The following CNIH3 variants were observed in gnomAD, a reference collection of about 807,000 sequenced individuals.
The protein encoded by CNIH3 is cornichon family AMPA receptor auxiliary protein 3.
In CNIH3, 14 loss-of-function variants were observed where a neutral mutation model predicts 24.1. The ratio of observed to expected loss-of-function variants is 0.58; its 90% CI spans 0.38 to 0.91. The LOEUF is 0.91. Among genes scored for constraint, CNIH3 ranks in the 40% least tolerant of loss-of-function variants. CNIH3 has a pLI of 0.00. For synonymous variants in CNIH3, 68 were observed against 73.8 expected, an observed-to-expected ratio of 0.92 and a Z score of 0.40; for missense variants, 178 against 196.8, an observed-to-expected ratio of 0.90 and a Z score of 0.57.
At chr1:224,482,996 A>G (rs181631624) in intron 1 of CNIH3, among the ~76,000 whole-genome samples, 13 of 152,278 alleles carry the variant, frequency 8.5e-5, no homozygotes, top group Non-Finnish European at 1.6e-4. Context: ...AGTTCTGCCC[A>G]GTGTTGGCAG....
At chr1:224,449,275 T>A (rs1277379246) in intron 1 of CNIH3, among the ~76,000 whole-genome samples, 1 of 151,992 alleles carries the variant, frequency 6.6e-6, no homozygotes, top group East Asian at 1.9e-4. Flanking sequence ...GAAACTGGGA[T>A]TCTCTTTAAC....
intron 4 of CNIH3, among the ~76,000 whole-genome samples, chr1:224,582,180 C>T (rs1055264669): frequency 1.3e-5 from 2 of 152,076 alleles, no homozygotes; most frequent in African/African-American, 4.8e-5. Flanking sequence ...GCCTGGGGTT[C>T]CCTTCATCCT....
At chr1:224,551,995 GT>G (rs1348408301) in intron 3 of CNIH3, among the ~76,000 whole-genome samples, 1 of 151,246 alleles carries the variant, frequency 6.6e-6, no homozygotes, top group African/African-American at 2.4e-5. Context: ...TATCACACGG[GT>G]TGTACTCCCT....
chr1:224,544,837 C>G (rs1458004733), intron 2 of CNIH3, among the ~76,000 whole-genome samples: 1 of 152,226 alleles, frequency 6.6e-6, no homozygotes, highest in Non-Finnish European at 1.5e-5. Flanking sequence ...CAAGAAAACA[C>G]ATGGCTTCTC....
At chr1:224,554,342 A>T (rs1301410329) in intron 3 of CNIH3, among the ~76,000 whole-genome samples, 1 of 152,134 alleles carries the variant, frequency 6.6e-6, no homozygotes, top group Non-Finnish European at 1.5e-5. Flanking sequence ...TTCTGTGAAC[A>T]ACTAACGTTT....
Position 224,543,152 on chromosome 1 carries a change from T to C in CNIH3, n.340-3677T>C, listed in dbSNP as rs938182562. Among the ~76,000 whole-genome samples, 5 of 152,140 alleles carry C rather than the reference T, an allele frequency of 3.3e-5. No homozygotes were observed. The East Asian group carries it at 9.6e-4, about 29-fold the overall frequency. ...TCTAATCATGTGGGCCAATAATTCA[T>C]TGAAACATGCCTGGGTAACGAAATT... is the stretch of plus-strand genomic sequence containing the variant. On this transcript the variant is annotated intron_variant and non_coding_transcript_variant, in intron 2 of 5. Coordinates refer to the CNIH3 transcript ENST00000471578.
At chr1:224,680,860 T>C (rs1331577756) in intron 1 of CNIH3, 98 bp from the exon 2 acceptor site, 5 of 908,678 alleles carry the variant, frequency 5.5e-6, no homozygotes, top group Non-Finnish European at 9.1e-6. Context: ...AGCCTCTTCC[T>C]TTCTGTTGTG....
At chr1:224,436,038 A>T (rs1403549787) in intron 1 of CNIH3, 1 of 152,212 alleles carries the variant, frequency 6.6e-6, no homozygotes, top group Non-Finnish European at 1.5e-5. Flanking sequence ...AATGATGCTG[A>T]TGAGAAATTA....
chr1:224,486,393 A>C (rs867049372), intron 1 of CNIH3, among the ~76,000 whole-genome samples: 2 of 152,102 alleles, frequency 1.3e-5, no homozygotes, highest in African/African-American at 4.8e-5. Context: ...GATTACAGGC[A>C]TGAGCCACTT....
chr1:224,644,556 T>C (rs917535561), intron 1 of CNIH3, among the ~76,000 whole-genome samples: 6 of 152,196 alleles, frequency 3.9e-5, no homozygotes, highest in Admixed American at 2.6e-4. Flanking sequence ...AAACAAATTC[T>C]ACAAATCAAG....
intron 1 of CNIH3, among the ~76,000 whole-genome samples, chr1:224,654,897 T>C (rs1360116795): frequency 1.3e-5 from 2 of 152,212 alleles, no homozygotes; most frequent in African/African-American, 2.4e-5. Context: ...TGCTGGAATA[T>C]ATCCAGAGTA....
intron 2 of CNIH3, among the ~76,000 whole-genome samples, chr1:224,682,754 C>A (rs1686461679): frequency 6.6e-6 from 1 of 152,220 alleles, no homozygotes; most frequent in African/African-American, 2.4e-5. Context: ...GTCTGAGAGA[C>A]ACCTTCATTT....
chr1:224,677,892 C>T (rs1370553294), intron 1 of CNIH3, among the ~76,000 whole-genome samples: 1 of 152,204 alleles, frequency 6.6e-6, no homozygotes, highest in Non-Finnish European at 1.5e-5. Context: ...TGGAGTTCTG[C>T]AGCTGTCCAG....
At chr1:224,668,947 G>A (rs1300962821) in intron 1 of CNIH3, among the ~76,000 whole-genome samples, 3 of 152,200 alleles carry the variant, frequency 2.0e-5, no homozygotes, top group African/African-American at 7.2e-5. Flanking sequence ...AACTGCCCCA[G>A]GGAAGATCCC....
intron 1 of CNIH3, among the ~76,000 whole-genome samples, chr1:224,645,589 G>A (rs1369170364): frequency 6.6e-6 from 1 of 152,228 alleles, no homozygotes; most frequent in East Asian, 1.9e-4. Context: ...ATGGTGGGTG[G>A]TGAGGTTTAG....
intron 3 of CNIH3, among the ~76,000 whole-genome samples, chr1:224,715,588 GT>G (rs1024956007): frequency 6.6e-6 from 1 of 152,204 alleles, no homozygotes; most frequent in African/African-American, 2.4e-5. Context: ...TTGGCTCATG[GT>G]TCATCTGACC....
chr1:224,667,783 C>G (rs987701719), intron 1 of CNIH3, among the ~76,000 whole-genome samples: 1 of 151,036 alleles, frequency 6.6e-6, no homozygotes, highest in African/African-American at 2.4e-5. Flanking sequence ...GACTACAATT[C>G]CACTCCTAGG....
chr1:224,572,017 G>A (rs1680839342), intron 4 of CNIH3, among the ~76,000 whole-genome samples: 1 of 152,162 alleles, frequency 6.6e-6, no homozygotes, highest in Non-Finnish European at 1.5e-5. Flanking sequence ...GGTTAGTGGG[G>A]CAAGTCAAGT....
At chr1:224,483,505 C>T (rs1676897755) in intron 1 of CNIH3, among the ~76,000 whole-genome samples, 1 of 151,804 alleles carries the variant, frequency 6.6e-6, no homozygotes, top group African/African-American at 2.4e-5. Context: ...TCTCATGCCT[C>T]GGCCTCCTGA....
Sources: allele counts gnomAD v4.1 joint callset (sites outside exome capture counted in the v4.1 genomes callset), GRCh38; gene constraint gnomAD v4.1.1; transcripts MANE v1.5; gene names NCBI Gene and HGNC (gene_info 2026-07-23, HGNC 2026-07-21).